The following GALNT17 variants were observed in gnomAD, a reference collection of about 807,000 sequenced individuals.
GALNT17 encodes the protein UDP-GalNAc:polypeptide N-acetylgalactosaminyltransferase-like 3.
GALNT17 carries 29 observed loss-of-function variants against 63.7 expected under a neutral mutation model. The observed-to-expected ratio is 0.46, with a 90% CI of 0.34 to 0.62. The LOEUF (loss-of-function observed/expected upper bound fraction) is 0.62, where lower values mean the gene tolerates loss of function less well. Among genes scored for constraint, GALNT17 ranks in the 20% least tolerant of loss-of-function variants. GALNT17 has a pLI of 0.01. For synonymous variants in GALNT17, 305 were observed against 318.3 expected (o/e 0.96, Z 0.45); for missense variants, 603 against 799.6 (o/e 0.75, Z 2.97).
chr7:71,288,507 C>T (rs979323035), intron 1 of GALNT17, among the ~76,000 whole-genome samples: 1 of 152,108 alleles, frequency 6.6e-6, no homozygotes, highest in Non-Finnish European at 1.5e-5. Context: ...AAGCCCTGAG[C>T]GGGCTGGATC....
intron 1 of GALNT17, among the ~76,000 whole-genome samples, chr7:71,169,110 G>C (rs1788498891): frequency 6.6e-6 from 1 of 152,098 alleles, no homozygotes; most frequent in African/African-American, 2.4e-5. Context: ...GACTGAATGG[G>C]AACCACTACA....
At chr7:71,376,867 G>C (rs990308691) in intron 2 of GALNT17, among the ~76,000 whole-genome samples, 1 of 150,972 alleles carries the variant, frequency 6.6e-6, no homozygotes, top group Non-Finnish European at 1.5e-5. Flanking sequence ...AGGTGGATCA[G>C]TTGAGGTCAG....
At chr7:71,496,635 A>G (rs1788099377) in intron 5 of GALNT17, among the ~76,000 whole-genome samples, 1 of 152,124 alleles carries the variant, frequency 6.6e-6, no homozygotes. Flanking sequence ...GGAAGGCACT[A>G]CAGAAACAGA....
At chr7:71,261,402 C>T (rs924073188) in intron 1 of GALNT17, among the ~76,000 whole-genome samples, 1 of 150,000 alleles carries the variant, frequency 6.7e-6, no homozygotes, top group Non-Finnish European at 1.5e-5. Context: ...GGATCTCACA[C>T]AGCAGAATAA....
intron 3 of GALNT17, among the ~76,000 whole-genome samples, chr7:71,406,506 C>T (rs1403602609): frequency 6.6e-6 from 1 of 152,134 alleles, no homozygotes; most frequent in Non-Finnish European, 1.5e-5. Flanking sequence ...GATTTGCTAT[C>T]TCCATTGGAC....
chr7:71,613,836 C>T (rs1385581875), intron 6 of GALNT17, among the ~76,000 whole-genome samples: 1 of 147,370 alleles, frequency 6.8e-6, no homozygotes, highest in Non-Finnish European at 1.5e-5. Context: ...TGGTGATGCA[C>T]ACCTGTAGTC....
At chr7:71,711,133 T>C (rs10233708) in intron 10 of GALNT17, among the ~76,000 whole-genome samples, 22,543 of 152,028 alleles carry the variant, frequency 0.15, 2,001 homozygotes, top group African/African-American at 0.24. Context: ...CTGATTCCTA[T>C]GTCAGTGCTA....
intron 1 of GALNT17, among the ~76,000 whole-genome samples, chr7:71,277,790 T>C (rs1232668152): frequency 6.6e-6 from 1 of 152,102 alleles, no homozygotes; most frequent in South Asian, 2.1e-4. Context: ...TTGCAGTCTT[T>C]TTCACCCCAG....
At chr7:71,342,500 C>T (rs28588236) in intron 2 of GALNT17, among the ~76,000 whole-genome samples, 40,906 of 151,928 alleles carry the variant, frequency 0.27, 6,044 homozygotes, top group East Asian at 0.48. Flanking sequence ...CTGATAGACA[C>T]AAAACAGCTT....
intron 1 of GALNT17, among the ~76,000 whole-genome samples, chr7:71,322,323 A>T (rs2091792): frequency 6.6e-6 from 1 of 151,836 alleles, no homozygotes. Flanking sequence ...TTTGTAGAGC[A>T]ATTCCAGGAA....
intron 5 of GALNT17, among the ~76,000 whole-genome samples, chr7:71,475,035 C>T (rs1787700814): frequency 6.6e-6 from 1 of 151,988 alleles, no homozygotes; most frequent in African/African-American, 2.4e-5. Flanking sequence ...TGGCCTCTCC[C>T]CTGGAGCATT....
At chr7:71,697,975 T>C (rs1257919806) in intron 9 of GALNT17, among the ~76,000 whole-genome samples, 1 of 151,702 alleles carries the variant, frequency 6.6e-6, no homozygotes, top group Non-Finnish European at 1.5e-5. Context: ...GTACAAACAT[T>C]AGCCAGGCAT....
intron 1 of GALNT17, among the ~76,000 whole-genome samples, chr7:71,324,823 A>G (rs965231670): frequency 7.9e-5 from 12 of 152,218 alleles, no homozygotes; most frequent in African/African-American, 2.9e-4. Flanking sequence ...TATTTAGCAT[A>G]AATTTTGTGT....
intron 6 of GALNT17, among the ~76,000 whole-genome samples, chr7:71,625,033 G>T (rs1320873691): frequency 6.6e-6 from 1 of 152,120 alleles, no homozygotes; most frequent in East Asian, 1.9e-4. Context: ...TTTTGACCTG[G>T]TAGAGCCCTG....
chr7:71,300,112 T>C (rs541404828), intron 1 of GALNT17, among the ~76,000 whole-genome samples: 63 of 152,266 alleles, frequency 4.1e-4, no homozygotes, highest in African/African-American at 1.4e-3. Flanking sequence ...AATCCCGGCC[T>C]CTCAAAGCCT....
intron 1 of GALNT17, among the ~76,000 whole-genome samples, chr7:71,295,849 C>T (rs1791069480): frequency 6.6e-6 from 1 of 152,030 alleles, no homozygotes; most frequent in Non-Finnish European, 1.5e-5. Context: ...CCTGCCTCAG[C>T]CTCTCAAGTA....
chr7:71,586,840 A>C (rs551783829), intron 6 of GALNT17, among the ~76,000 whole-genome samples: 47 of 152,302 alleles, frequency 3.1e-4, no homozygotes, highest in African/African-American at 1.1e-3. Context: ...ATTTATAGTC[A>C]TAAATATTTG....
Position 71,602,537 on chromosome 7 carries a change from G to A in GALNT17, c.1080+31135G>A, listed in dbSNP as rs572400882. 1.2e-4 allele frequency among the ~76,000 whole-genome samples: 19 copies of A among 152,256 alleles called. 1 individual carries two copies. In the East Asian group the frequency reaches 2.7e-3, roughly 22 times the overall value. On this transcript the variant is annotated intron_variant, in intron 6 of 10. Coordinates refer to ENST00000333538, the MANE Select transcript of GALNT17 (RefSeq NM_022479.3). ...ATGGAATTATGATAATTGACTCTAC[G>A]TGTTACTGTCTCTAAGATTGTTCTT...
chr7:71,509,583 G>A (rs777914153), intron 5 of GALNT17, among the ~76,000 whole-genome samples: 58 of 152,338 alleles, frequency 3.8e-4, no homozygotes, highest in African/African-American at 6.7e-4. Context: ...AAACTTGCCC[G>A]TAGTCACATA....
Sources: gnomAD v4.1 joint callset for allele counts (sites outside exome capture counted in the v4.1 genomes callset) on GRCh38, gnomAD v4.1.1 for gene constraint, MANE v1.5 for transcripts, NCBI Gene and HGNC (gene_info 2026-07-23, HGNC 2026-07-21) for gene names.